CHSY3: variants seen among roughly 807,000 people sequenced by gnomAD.
The protein encoded by CHSY3 is chondroitin sulfate synthase 3.
CHSY3 carries 35 observed loss-of-function variants against 67.2 expected under a neutral mutation model. That is an observed-to-expected ratio of 0.52 (90% confidence interval 0.40 to 0.69). The LOEUF is 0.69. CHSY3 is among the 30% of genes least tolerant of loss of function. The probability of loss-of-function intolerance (pLI) is 0.00; values close to 1 mark genes in which losing one functional copy is unlikely to be tolerated. For synonymous variants in CHSY3, 474 were observed against 434.7 expected (o/e 1.09, Z -1.12); for missense variants, 1,069 against 1,138.5 (o/e 0.94, Z 0.88).
chr5:129,945,265 G>A (rs943330480), intron 2 of CHSY3, among the ~76,000 whole-genome samples: 1 of 152,210 alleles, frequency 6.6e-6, no homozygotes, highest in African/African-American at 2.4e-5. Context: ...GTGGAACATG[G>A]CACTTGTGCC....
intron 2 of CHSY3, among the ~76,000 whole-genome samples, chr5:130,064,029 G>T (rs768270433): frequency 8.6e-5 from 13 of 151,966 alleles, no homozygotes; most frequent in Non-Finnish European, 1.8e-4. Context: ...TGATTTAGGA[G>T]GAATTACTCA....
At chr5:129,973,110 A>G (rs1199578302) in intron 2 of CHSY3, among the ~76,000 whole-genome samples, 1 of 152,006 alleles carries the variant, frequency 6.6e-6, no homozygotes, top group Non-Finnish European at 1.5e-5. Context: ...TTTGTGAGTT[A>G]TCTTTTAGCT....
intron 2 of CHSY3, among the ~76,000 whole-genome samples, chr5:130,062,520 A>G (rs538542507): frequency 2.0e-4 from 31 of 152,276 alleles, no homozygotes; most frequent in African/African-American, 7.0e-4. Context: ...GCATGTAACA[A>G]GCAAGCACAT....
At chr5:129,962,526 G>A (rs1271620547) in intron 2 of CHSY3, among the ~76,000 whole-genome samples, 1 of 151,912 alleles carries the variant, frequency 6.6e-6, no homozygotes, top group African/African-American at 2.4e-5. Flanking sequence ...ACCTGTCACT[G>A]CCCTGCTTAA....
At chr5:130,145,415 C>T (rs1233497461) in intron 2 of CHSY3, among the ~76,000 whole-genome samples, 2 of 152,064 alleles carry the variant, frequency 1.3e-5, no homozygotes, top group Non-Finnish European at 2.9e-5. Flanking sequence ...GAGGCTACAC[C>T]ACTACCTCTC....
chr5:130,008,869 G>A (rs931623822), intron 2 of CHSY3, among the ~76,000 whole-genome samples: 3 of 152,128 alleles, frequency 2.0e-5, no homozygotes, highest in Non-Finnish European at 4.4e-5. Context: ...AAATCTCAGA[G>A]CTTGAAGATT....
chr5:130,058,738 G>C (rs1377791029), intron 2 of CHSY3, among the ~76,000 whole-genome samples: 1 of 152,160 alleles, frequency 6.6e-6, no homozygotes, highest in East Asian at 1.9e-4. Context: ...CCACAAACTG[G>C]GTGCCTTAAA....
intron 2 of CHSY3, among the ~76,000 whole-genome samples, chr5:130,028,998 C>A (rs4323260): frequency 0.14 from 20,916 of 151,936 alleles, 1,885 homozygotes; most frequent in East Asian, 0.25. Context: ...ATCTTTGCTT[C>A]TTTATCTATT....
intron 2 of CHSY3, among the ~76,000 whole-genome samples, chr5:130,048,287 G>T (rs1043529282): frequency 2.0e-5 from 3 of 151,994 alleles, no homozygotes; most frequent in Admixed American, 6.6e-5. Flanking sequence ...CCACAAAATA[G>T]TAGGACTTTT....
intron 2 of CHSY3, among the ~76,000 whole-genome samples, chr5:129,988,624 C>T (rs1460228095): frequency 6.6e-6 from 1 of 152,116 alleles, no homozygotes; most frequent in Non-Finnish European, 1.5e-5. Context: ...GTAAATATTT[C>T]TGAATGAATG....
At chr5:129,922,755 T>C (rs1760967746) in intron 2 of CHSY3, among the ~76,000 whole-genome samples, 1 of 152,240 alleles carries the variant, frequency 6.6e-6, no homozygotes, top group South Asian at 2.1e-4. Flanking sequence ...AGATATGTGG[T>C]TTACAATCAT....
chr5:129,947,344 C>T (rs906965949), intron 2 of CHSY3, among the ~76,000 whole-genome samples: 1 of 152,144 alleles, frequency 6.6e-6, no homozygotes, highest in Admixed American at 6.6e-5. Context: ...GAGATTTGAG[C>T]TTGGTGCAGT....
intron 2 of CHSY3, among the ~76,000 whole-genome samples, chr5:130,162,948 C>T (rs947962150): frequency 1.3e-5 from 2 of 152,116 alleles, no homozygotes; most frequent in Admixed American, 6.5e-5. Context: ...GCAATTACCT[C>T]CAAGTTTATT....
Position 129,905,183 on chromosome 5 carries a change from T to C in CHSY3, c.354T>C (p.Pro118=). The C allele has an allele frequency of 6.6e-7, 1 of 1,521,786 alleles. No homozygotes were observed. 94.3% of individuals were successfully genotyped at this position (1,521,786 alleles called of 1,614,324 possible). A position where few individuals can be genotyped will look rare whatever the true frequency, so the allele number is the denominator to read the frequency against. ...PLQQRRRGRE[P]EGATGLPGAP... is the part of the protein sequence containing the mutation. The stretch of plus-strand genomic sequence containing the variant: ...AGCAGCGGCGGCGAGGACGCGAGCC[T>C]GAGGGCGCGACGGGGCTTCCCGGTG... Residue 118 remains proline (P), a synonymous_variant, in exon 1 of 3, where the codon CCT becomes CCC. Coordinates refer to ENST00000305031, the MANE Select transcript of CHSY3 (RefSeq NM_175856.5).
At chr5:130,123,334 G>A (rs922437414) in intron 2 of CHSY3, among the ~76,000 whole-genome samples, 1 of 151,980 alleles carries the variant, frequency 6.6e-6, no homozygotes, top group Non-Finnish European at 1.5e-5. Context: ...AACCTTTTTG[G>A]CACCAGGGCC....
chr5:130,069,751 C>T (rs74927815), intron 2 of CHSY3, among the ~76,000 whole-genome samples: 1,726 of 152,058 alleles, frequency 0.011, 26 homozygotes, highest in African/African-American at 0.038. Context: ...CTAGATTCAT[C>T]TAATAGGTAG....
chr5:129,982,686 G>T (rs1049340488), intron 2 of CHSY3, among the ~76,000 whole-genome samples: 1 of 151,886 alleles, frequency 6.6e-6, no homozygotes, highest in Non-Finnish European at 1.5e-5. Flanking sequence ...CAATTTCAAA[G>T]CTTTAAAATT....
intron 2 of CHSY3, among the ~76,000 whole-genome samples, chr5:129,930,941 G>A: frequency 6.6e-6 from 1 of 152,144 alleles, no homozygotes; most frequent in Non-Finnish European, 1.5e-5. Context: ...ATGCAAATTT[G>A]TGTCTGGTGC....
At position 130,113,407 on chromosome 5, in the gene CHSY3, AT is replaced by A. The variant is rs552521098; in HGVS notation, c.1087-70821del. On this transcript the variant is annotated intron_variant, in intron 2 of 2. Coordinates refer to ENST00000305031, the MANE Select transcript of CHSY3 (RefSeq NM_175856.5). ...TAAGTACAGTTCTATGTACTTTGTA[AT>A]CTCTCCATTTATAAATGTCACAATA... 8.5e-5 allele frequency among the ~76,000 whole-genome samples: 13 copies of A among 152,298 alleles called. No individual in the cohort carries two copies. The South Asian group carries it at 2.7e-3, about 32-fold the overall frequency.
Sources: gnomAD v4.1 joint callset for allele counts (sites outside exome capture counted in the v4.1 genomes callset) on GRCh38, gnomAD v4.1.1 for gene constraint, MANE v1.5 for transcripts, NCBI Gene and HGNC (gene_info 2026-07-23, HGNC 2026-07-21) for gene names.